Variants in PRDM11 observed in about 807,000 individuals in gnomAD.
The protein encoded by PRDM11 is PR/SET domain 11, also known as PR domain-containing protein 11.
In PRDM11, 20 loss-of-function variants were observed where a neutral mutation model predicts 97.8. That is an observed-to-expected ratio of 0.20 (90% CI 0.14 to 0.30). The LOEUF (loss-of-function observed/expected upper bound fraction) is 0.30. Ranked by LOEUF, PRDM11 falls within the 10% of genes least tolerant of loss-of-function variation. The pLI, the probability that PRDM11 is intolerant of heterozygous loss-of-function variation, is 1.00. For missense variants in PRDM11, 1,139 were observed against 1,555.2 expected (o/e 0.73, Z 4.50); for synonymous variants, 599 against 637.7 (o/e 0.94, Z 0.91).
chr11:45,172,553 C>T (rs942752395), intron 1 of PRDM11, among the ~76,000 whole-genome samples: 2 of 152,080 alleles, frequency 1.3e-5, no homozygotes, highest in African/African-American at 4.8e-5. Flanking sequence ...TTTTATTAGC[C>T]AGGAACCAGG....
At chr11:45,102,568 C>T (rs907288990) in intron 1 of PRDM11, among the ~76,000 whole-genome samples, 3 of 152,228 alleles carry the variant, frequency 2.0e-5, no homozygotes, top group Non-Finnish European at 4.4e-5. Context: ...TGGGAGCCTC[C>T]TTCACACCGT....
At chr11:45,194,590 C>CTTTTTTTTTTTT (rs1183339151) in intron 4 of PRDM11, among the ~76,000 whole-genome samples, 2 of 89,992 alleles carry the variant, frequency 2.2e-5, no homozygotes, top group Non-Finnish European at 4.5e-5. Flanking sequence ...TTATTATCTT[C>CTTTTTTTTTTTT]TGTTTTTTTT....
intron 6 of PRDM11, among the ~76,000 whole-genome samples, chr11:45,222,500 C>T (rs767254002): frequency 6.6e-6 from 1 of 152,182 alleles, no homozygotes; most frequent in Non-Finnish European, 1.5e-5. Context: ...GTGGCATTTT[C>T]AAGTTATCTC....
In PRDM11 at chr11:45,219,506, G is replaced by A. The variant is rs750222194; in HGVS notation, c.555-64G>A. On this transcript the variant is annotated intron_variant, in intron 5 of 7. Transcript: ENST00000683152. This position sits in a 1 kb window ranked among gnomAD's most constrained non-coding sequence, Gnocchi z 4.2. ...ATCCACACTTGCCCAGCACTGTGCC[G>A]GCACCAGCGGGCACTCAACAAAGGG... The A allele has an allele frequency of 4.0e-5, 58 of 1,461,130 alleles. No individual in the cohort carries two copies. Among genetic ancestry groups the A allele is most frequent in the Non-Finnish European group, 5.2e-5 (55 of 1,065,878 alleles). 90.5% of individuals were successfully genotyped at this position (1,461,130 alleles called of 1,614,324 possible). A position where few individuals can be genotyped will look rare whatever the true frequency, so the allele number is the denominator to read the frequency against.
rs2135678058 is a variant in PRDM11 at position 45,147,942 on chromosome 11, A to G, written c.-7+1065A>G. Among the ~76,000 whole-genome samples, 3 of 152,230 alleles carry G rather than the reference A, an allele frequency of 2.0e-5. No individual in the cohort carries two copies. In the South Asian group the frequency reaches 6.2e-4, roughly 32 times the overall value. Reference sequence around the variant, plus strand: ...TGCTCTTGGTACCTGGAAACCCTATAAACTTTGGGGGTTTGGGGACAGAAG... The same window carrying G: ...TGCTCTTGGTACCTGGAAACCCTATGAACTTTGGGGGTTTGGGGACAGAAG... On this transcript the variant is annotated intron_variant, in intron 1 of 7. Coordinates refer to ENST00000683152, the MANE Select transcript of PRDM11 (RefSeq NM_001384648.1).
upstream of PRDM11, among the ~76,000 whole-genome samples, chr11:45,143,004 G>A (rs1395693894): frequency 1.3e-5 from 2 of 152,254 alleles, no homozygotes; most frequent in Non-Finnish European, 2.9e-5. Context: ...TGTTAGAAGT[G>A]AAGGTGGAAT....
At chr11:45,166,706 A>G (rs1423181482) in intron 1 of PRDM11, among the ~76,000 whole-genome samples, 14 of 152,218 alleles carry the variant, frequency 9.2e-5, no homozygotes. Flanking sequence ...TTCACAGAGT[A>G]TGTAAAACAC....
At chr11:45,147,936 C>T (rs550069243) in intron 1 of PRDM11, among the ~76,000 whole-genome samples, 5 of 152,282 alleles carry the variant, frequency 3.3e-5, no homozygotes, top group Admixed American at 3.3e-4. Flanking sequence ...TACCTGGAAA[C>T]CCTATAAACT....
intron 5 of PRDM11, among the ~76,000 whole-genome samples, chr11:45,215,028 G>A (rs923596725): frequency 6.6e-6 from 1 of 152,208 alleles, no homozygotes; most frequent in South Asian, 2.1e-4. Flanking sequence ...TTTACCTTTT[G>A]TTCCCTAAAA....
chr11:45,206,339 T>C (rs1249843436), intron 5 of PRDM11, among the ~76,000 whole-genome samples: 1 of 152,148 alleles, frequency 6.6e-6, no homozygotes, highest in African/African-American at 2.4e-5. Context: ...ACATGGGCCT[T>C]CAAAGGGGCC....
upstream of PRDM11, among the ~76,000 whole-genome samples, chr11:45,094,220 G>A (rs1335775224): frequency 6.6e-6 from 1 of 152,228 alleles, no homozygotes; most frequent in Non-Finnish European, 1.5e-5. Context: ...TCCTCTGGGG[G>A]TGGGCTGGAA....
rs893382585 is a variant in PRDM11 at position 45,230,517 on chromosome 11, A to G, written c.*2358A>G. 6.6e-6 allele frequency: 1 copy of G among 152,262 alleles called. No homozygotes were observed. The highest frequency in any genetic ancestry group is 1.5e-5 in the Non-Finnish European group (1 of 68,078). The allele number at this position is 152,262 out of a possible 1,614,324, so 9.4% of individuals were successfully genotyped here. The stretch of plus-strand genomic sequence containing the variant: ...GTCAAATGGGATGCTGTTGCAAAGC[A>G]CCAGGTCCCACCTGGCCCAGCCCCA... On this transcript the variant is annotated 3_prime_UTR_variant, in exon 8 of 8. Transcript: ENST00000683152.
chr11:45,183,275 C>A (rs988597730), intron 4 of PRDM11, 152 bp downstream of exon 4: 4 of 1,133,406 alleles, frequency 3.5e-6, no homozygotes, highest in Non-Finnish European at 4.8e-6. Context: ...CCCCTGGCCC[C>A]GGCTGAGTGG....
In PRDM11 at chr11:45,224,311, C is replaced by A. The variant is rs1248833130; in HGVS notation, c.837C>A (p.Gly279=). ...TTCATCTCTCTGTGCTGAGACAGGG[C>A]AAAAGTCCCTACAAGCGTGGCTTTG... The part of the protein sequence containing the change: ...GPIHLSVLRQ[G]KSPYKRGFDE... Residue 279 remains glycine (G), a synonymous_variant, in exon 7 of 8, where the codon GGC becomes GGA. Coordinates refer to ENST00000683152, the MANE Select transcript of PRDM11 (RefSeq NM_001384648.1). The A allele has an allele frequency of 6.2e-7, 1 of 1,614,150 alleles. No individual in the cohort carries two copies. The highest frequency in any genetic ancestry group is 1.7e-5 in the Admixed American group (1 of 60,024).
intron 5 of PRDM11, among the ~76,000 whole-genome samples, chr11:45,205,171 T>C (rs1482201697): frequency 6.6e-6 from 1 of 152,226 alleles, no homozygotes; most frequent in Non-Finnish European, 1.5e-5. Context: ...AGCAGTTGTT[T>C]AAACAGCCTC....
At chr11:45,150,120 T>C (rs77453671) in intron 1 of PRDM11, among the ~76,000 whole-genome samples, 3,081 of 152,298 alleles carry the variant, frequency 0.02, 97 homozygotes, top group African/African-American at 0.07. Flanking sequence ...CCATTTGTCA[T>C]GTTCTGCCTC....
upstream of PRDM11, among the ~76,000 whole-genome samples, chr11:45,146,303 G>C (rs1033205310): frequency 4.6e-5 from 7 of 152,304 alleles, no homozygotes; most frequent in East Asian, 1.9e-4. Context: ...CACGCGACCG[G>C]GAGAGCCAGG....
rs1424568714 is a variant in PRDM11 at position 45,230,002 on chromosome 11, C to G, written c.*1843C>G. 6.6e-6 allele frequency: 1 copy of G among 152,082 alleles called. No individual in the cohort carries two copies. Among genetic ancestry groups the G allele is most frequent in the African/African-American group, 2.4e-5 (1 of 41,386 alleles). 9.4% of individuals were successfully genotyped at this position (152,082 alleles called of 1,614,324 possible). A position where few individuals can be genotyped will look rare whatever the true frequency, so the allele number is the denominator to read the frequency against. On this transcript the variant is annotated 3_prime_UTR_variant, in exon 8 of 8. Transcript: ENST00000683152. ...CATCAACACTGAACATGTTATAGCC[C>G]TTTCTTGGTTCCACCAGTCCCTTCA...
Position 45,229,080 on chromosome 11 carries a change from G to C in PRDM11, c.*921G>C, listed in dbSNP as rs1854345690. The stretch of plus-strand genomic sequence containing the variant: ...GGGAGATGAAGAGCCAAGAAGTCCA[G>C]ACCCCAACAGGGGAGTGATTTTTGG... On this transcript the variant is annotated 3_prime_UTR_variant, in exon 8 of 8. Transcript: ENST00000683152. 1.3e-5 allele frequency: 2 copies of C among 152,166 alleles called. No individual in the cohort carries two copies. Among genetic ancestry groups the C allele is most frequent in the African/African-American group, 4.8e-5 (2 of 41,422 alleles). 9.4% of individuals were successfully genotyped at this position (152,166 alleles called of 1,614,324 possible).
Sources: allele counts gnomAD v4.1 joint callset (sites outside exome capture counted in the v4.1 genomes callset), GRCh38; gene constraint gnomAD v4.1.1; non-coding constraint Gnocchi (gnomAD v3.1); transcripts MANE v1.5; gene names NCBI Gene and HGNC (gene_info 2026-07-23, HGNC 2026-07-21).